Variants in TENM1 observed in about 807,000 individuals in gnomAD.
TENM1 encodes the protein teneurin-1.
Under a neutral mutation model 174.8 loss-of-function variants are expected in TENM1, and 35 were observed. The ratio of observed to expected loss-of-function variants is 0.20; its 90% confidence interval spans 0.15 to 0.27. The LOEUF (loss-of-function observed/expected upper bound fraction) is 0.27. TENM1 is among the 10% of genes least tolerant of loss of function. TENM1 has a pLI of 1.00. For missense variants in TENM1, 1,633 were observed against 2,130.1 expected (o/e 0.77, Z 4.59); for synonymous variants, 781 against 798.7 (o/e 0.98, Z 0.37).
intron 4 of TENM1, among the ~76,000 whole-genome samples, chrX:124,714,749 A>AT (rs1205598930): frequency 8.9e-6 from 1 of 111,983 alleles, no homozygotes. Flanking sequence ...TTAGAGATAA[A>AT]TTGAAAGTAG....
intron 22 of TENM1, among the ~76,000 whole-genome samples, chrX:124,463,042 T>C (rs1197958268): frequency 1.8e-5 from 2 of 111,906 alleles, no homozygotes; most frequent in East Asian, 5.6e-4. Flanking sequence ...ATGTGATCCA[T>C]GTGGATAGCT....
intron 11 of TENM1, among the ~76,000 whole-genome samples, chrX:124,635,713 G>A (rs1026767147): frequency 8.9e-6 from 1 of 112,415 alleles, no homozygotes; most frequent in African/African-American, 3.2e-5. Flanking sequence ...ATGTGACCAG[G>A]ACAAGTCAGA....
rs193016258 is a variant in TENM1 at position 124,461,448 on chromosome X, C to T, written c.3950-7957G>A. ...AGTATATCAAAGGGATATCTGCACTCCCGTGTTTATTGCAGCACTATTCAC... is the reference window on the plus strand; with the variant it reads ...AGTATATCAAAGGGATATCTGCACTTCCGTGTTTATTGCAGCACTATTCAC... On this transcript the variant is annotated intron_variant, in intron 22 of 31. Coordinates refer to ENST00000422452, the Ensembl canonical transcript of TENM1. 3.5e-3 allele frequency among the ~76,000 whole-genome samples: 391 copies of T among 111,797 alleles called. 2 individuals are homozygous for T. The highest frequency in any genetic ancestry group is 9.0e-3 in the Admixed American group (94 of 10,500).
intron 4 of TENM1, among the ~76,000 whole-genome samples, chrX:124,720,844 C>G (rs779672497): frequency 1.8e-5 from 2 of 112,020 alleles, no homozygotes; most frequent in South Asian, 7.5e-4. Context: ...TTCTTCAGTT[C>G]TTCTTGCCTA....
At chrX:124,606,329 T>C (rs997072082) in intron 11 of TENM1, among the ~76,000 whole-genome samples, 1 of 111,480 alleles carries the variant, frequency 9.0e-6, no homozygotes, top group Non-Finnish European at 1.9e-5. Context: ...TAAGAACCTT[T>C]ATCATCCTCA....
intron 3 of TENM1, among the ~76,000 whole-genome samples, chrX:124,801,576 C>A (rs1269358977): frequency 9.0e-6 from 1 of 111,723 alleles, no homozygotes; most frequent in East Asian, 2.8e-4. Context: ...GGGCATTTAG[C>A]CCATTTACAT....
intron 18 of TENM1, among the ~76,000 whole-genome samples, chrX:124,510,775 T>TACACACACACAAACAC (rs2047563087): frequency 9.7e-6 from 1 of 103,543 alleles, no homozygotes; most frequent in Admixed American, 1.1e-4. Flanking sequence ...CATGGGGAGA[T>TACACACACACAAACAC]ACACACACAC....
At chrX:124,750,333 G>A (rs1569425087) in intron 3 of TENM1, among the ~76,000 whole-genome samples, 1 of 110,900 alleles carries the variant, frequency 9.0e-6, no homozygotes, top group Admixed American at 9.6e-5. Flanking sequence ...ATTTCTGGGG[G>A]GAAGACAGAA....
chrX:125,056,019 ATCT>A, the TENM1 span, among the ~76,000 whole-genome samples: 1 of 111,166 alleles, frequency 9.0e-6, no homozygotes, highest in African/African-American at 3.3e-5. Flanking sequence ...AGTACCATAA[ATCT>A]TCTTTACAGC....
At chrX:124,398,725 G>C (rs1376209999) in intron 27 of TENM1, among the ~76,000 whole-genome samples, 1 of 110,671 alleles carries the variant, frequency 9.0e-6, no homozygotes, top group Admixed American at 9.6e-5. Flanking sequence ...CCAATTTTAA[G>C]CGTACAATTT....
At chrX:124,481,815 G>C (rs746597347) in exon 22 of TENM1, 1 of 1,202,807 alleles carries the variant, frequency 8.3e-7, no homozygotes, top group African/African-American at 1.8e-5. Context: ...CTGATCACCA[G>C]TTCCTGCCAC....
At chrX:124,458,092 T>C (rs2061129454) in intron 22 of TENM1, among the ~76,000 whole-genome samples, 1 of 112,008 alleles carries the variant, frequency 8.9e-6, no homozygotes, top group Non-Finnish European at 1.9e-5. Flanking sequence ...TGCTGAATTG[T>C]GTAACTGATT....
the TENM1 span, among the ~76,000 whole-genome samples, chrX:125,027,615 T>TC: frequency 8.9e-5 from 8 of 89,555 alleles, no homozygotes; most frequent in African/African-American, 4.2e-4. Flanking sequence ...CTTTTTCTTT[T>TC]TTTTTTTTTT....
the TENM1 span, among the ~76,000 whole-genome samples, chrX:125,177,882 G>T: frequency 1.8e-5 from 2 of 111,754 alleles, no homozygotes; most frequent in Non-Finnish European, 1.9e-5. Context: ...AAACCCCAAG[G>T]TTTTGTTTTT....
chrX:124,742,725 G>A (rs1237671233), intron 3 of TENM1, among the ~76,000 whole-genome samples: 1 of 110,547 alleles, frequency 9.0e-6, no homozygotes, highest in African/African-American at 3.3e-5. Flanking sequence ...TTTTGGATAA[G>A]GGATTATGGG....
At chrX:124,379,912 T>C (rs2060138170) in exon 32 of TENM1, 1 of 111,608 alleles carries the variant, frequency 9.0e-6, no homozygotes, top group Admixed American at 9.6e-5. Context: ...CAGGGAAGCA[T>C]GGTAGACAGA....
At chrX:125,009,221 G>A in the TENM1 span, among the ~76,000 whole-genome samples, 1 of 106,549 alleles carries the variant, frequency 9.4e-6, no homozygotes, top group Non-Finnish European at 1.9e-5. Context: ...TGCCCCCACA[G>A]AAATACAAAC....
chrX:125,195,078 G>T, the TENM1 span, among the ~76,000 whole-genome samples: 6 of 111,576 alleles, frequency 5.4e-5, no homozygotes, highest in African/African-American at 9.8e-5. Flanking sequence ...ATTAGCAAAT[G>T]AATGAATGGA....
At chrX:124,494,636 A>G (rs1415173557) in intron 20 of TENM1, among the ~76,000 whole-genome samples, 1 of 108,330 alleles carries the variant, frequency 9.2e-6, no homozygotes, top group African/African-American at 3.4e-5. Context: ...AGCATTAGGT[A>G]TATCTCCCAA....
Sources: gnomAD v4.1 joint callset for allele counts (sites outside exome capture counted in the v4.1 genomes callset) on GRCh38, gnomAD v4.1.1 for gene constraint, MANE v1.5 for transcripts, NCBI Gene and HGNC (gene_info 2026-07-23, HGNC 2026-07-21) for gene names.